MFSD11: variants seen among roughly 807,000 people sequenced by gnomAD.
MFSD11 encodes the protein UNC93-like protein MFSD11.
A neutral mutation model predicts 53.5 loss-of-function variants in MFSD11; 36 were observed. The observed-to-expected ratio is 0.67, with a 90% CI of 0.52 to 0.89. MFSD11 has a LOEUF of 0.89. Ranked by LOEUF, MFSD11 falls within the 40% of genes least tolerant of loss-of-function variation. The pLI is 0.00. For synonymous variants in MFSD11, 186 were observed against 184.9 expected (o/e 1.01, Z -0.05); for missense variants, 530 against 543.9 (o/e 0.97, Z 0.25).
intron 8 of MFSD11, among the ~76,000 whole-genome samples, chr17:76,758,621 T>C (rs1280075435): frequency 1.5e-5 from 2 of 136,784 alleles, no homozygotes; most frequent in Non-Finnish European, 3.2e-5. Flanking sequence ...AGAAAATAAA[T>C]GTAAAACTTC....
At chr17:76,748,917 T>C (rs1296489413) in intron 7 of MFSD11, among the ~76,000 whole-genome samples, 2 of 150,840 alleles carry the variant, frequency 1.3e-5, no homozygotes, top group Non-Finnish European at 3.0e-5. Context: ...CCTTCCTCTC[T>C]CCCTTCTTTT....
At position 76,767,455 on chromosome 17, in the gene MFSD11, A is replaced by G. The variant is rs2080953888; in HGVS notation, c.748+4A>G. 1.3e-6 allele frequency: 2 copies of G among 1,548,720 alleles called. No homozygotes were observed. Among genetic ancestry groups the G allele is most frequent in the Non-Finnish European group, 1.8e-6 (2 of 1,123,504 alleles). On this transcript the variant is annotated splice_donor_region_variant and intron_variant, in intron 9 of 12. Coordinates refer to ENST00000685175, the MANE Select transcript of MFSD11 (RefSeq NM_001242532.5). The stretch of plus-strand genomic sequence containing the variant: ...AGTATTACAACTGCTTATACAGGTA[A>G]TGGAATTACTGTTCTTATTTTCTCT...
At chr17:76,736,634 G>A (rs887566542), upstream of MFSD11, 10 of 1,153,384 alleles carry the variant, frequency 8.7e-6, no homozygotes, top group East Asian at 3.2e-5. Context: ...CTCCCGGGTC[G>A]CAGACGGCGG....
intron 2 of MFSD11, among the ~76,000 whole-genome samples, 154 bp downstream of exon 2, chr17:76,739,147 T>G (rs1568037047): frequency 2.0e-5 from 3 of 152,354 alleles, no homozygotes; most frequent in Non-Finnish European, 2.9e-5. Context: ...AGAATAAAGC[T>G]GATGAGTTTA....
rs913282681 is a variant in MFSD11 at position 76,739,112 on chromosome 17, A to C, written c.152+119A>C. ...AGTGGTGATGGCATTTTCTCTTCTCAGTGCCTAGACTGAGAGAACATAATA... is the reference window on the plus strand; with the variant it reads ...AGTGGTGATGGCATTTTCTCTTCTCCGTGCCTAGACTGAGAGAACATAATA... On this transcript the variant is annotated intron_variant, in intron 2 of 12. Coordinates refer to ENST00000685175, the MANE Select transcript of MFSD11 (RefSeq NM_001242532.5). 4.1e-5 allele frequency: 32 copies of C among 776,978 alleles called. No individual in the cohort carries two copies. In the Admixed American group the frequency reaches 4.5e-4, roughly 11 times the overall value. The allele number at this position is 776,978 out of a possible 1,614,324, so 48.1% of individuals were successfully genotyped here.
At chr17:76,739,498 C>T (rs538262312) in intron 2 of MFSD11, among the ~76,000 whole-genome samples, 41 of 152,316 alleles carry the variant, frequency 2.7e-4, no homozygotes, top group African/African-American at 9.6e-4. Flanking sequence ...TCACAAGTCA[C>T]TAGAACCTTG....
At chr17:76,748,550 G>A (rs1415968406) in intron 7 of MFSD11, among the ~76,000 whole-genome samples, 2 of 151,932 alleles carry the variant, frequency 1.3e-5, no homozygotes, top group African/African-American at 4.8e-5. Context: ...AGCCAGGTGT[G>A]GTGGTGCACG....
chr17:76,767,511 C>T (rs895699992), intron 9 of MFSD11, 60 bp downstream of exon 9: 10 of 1,042,554 alleles, frequency 9.6e-6, no homozygotes, highest in African/African-American at 8.0e-5. Flanking sequence ...GAGTTGAAAA[C>T]GAGCCACGTT....
upstream of MFSD11, chr17:76,738,075 C>T (rs987070338): frequency 1.3e-5 from 6 of 456,706 alleles, no homozygotes; most frequent in East Asian, 6.7e-5. Context: ...TTCGTGGGCC[C>T]CTCAACCTGG....
chr17:76,737,355 C>T (rs1393136233), upstream of MFSD11: 2 of 652,432 alleles, frequency 3.1e-6, no homozygotes, highest in Non-Finnish European at 4.9e-6. Flanking sequence ...GCCTCTGCGC[C>T]CGTTTATATC....
chr17:76,738,888 G>A, intron 1 of MFSD11, 50 bp from the exon 2 acceptor site: 1 of 1,460,376 alleles, frequency 6.8e-7, no homozygotes, highest in Non-Finnish European at 9.6e-7. Flanking sequence ...CCCAAGGGTG[G>A]GAGGGAGACT....
At position 76,756,494 on chromosome 17, in the gene MFSD11, G is replaced by A. The variant is rs560007376; in HGVS notation, c.682+2407G>A. Among the ~76,000 whole-genome samples the A allele has an allele frequency of 3.3e-5, 5 of 152,314 alleles. No individual in the cohort carries two copies. In the South Asian group the frequency reaches 6.2e-4, roughly 19 times the overall value. On this transcript the variant is annotated intron_variant, in intron 8 of 12. Transcript: ENST00000685175. The stretch of plus-strand genomic sequence containing the variant: ...AAAGGATTATACTCTGACTCCCTTA[G>A]CAAGGTAGGAGGTCAATCACTGTCA...
At chr17:76,792,253 G>T in the MFSD11 span, among the ~76,000 whole-genome samples, 2 of 150,524 alleles carry the variant, frequency 1.3e-5, no homozygotes, top group African/African-American at 5.0e-5. Flanking sequence ...TGAGTAGCTG[G>T]GATTACAGGT....
chr17:76,744,994 G>T (rs542406342), intron 7 of MFSD11, among the ~76,000 whole-genome samples: 2 of 152,292 alleles, frequency 1.3e-5, no homozygotes, highest in Admixed American at 6.5e-5. Context: ...GGTCCAAATA[G>T]GGGAATGAGT....
At chr17:76,759,802 A>G (rs2080031374) in intron 8 of MFSD11, among the ~76,000 whole-genome samples, 1 of 103,856 alleles carries the variant, frequency 9.6e-6, no homozygotes, top group Non-Finnish European at 1.8e-5. Context: ...TTTAGTAGAG[A>G]TGGAGTTTCA....
At chr17:76,750,544 G>C (rs1375658963) in intron 7 of MFSD11, among the ~76,000 whole-genome samples, 1 of 151,784 alleles carries the variant, frequency 6.6e-6, no homozygotes, top group African/African-American at 2.4e-5. Flanking sequence ...TTTTAGTAGA[G>C]ACTGAGTTTC....
chr17:76,763,729 C>T (rs80260131), intron 8 of MFSD11, among the ~76,000 whole-genome samples: 2,782 of 151,804 alleles, frequency 0.018, 83 homozygotes, highest in African/African-American at 0.062. Flanking sequence ...TGTTTTCTCC[C>T]GTTCTATAGA....
intron 6 of MFSD11, among the ~76,000 whole-genome samples, chr17:76,744,097 G>A (rs1350520397): frequency 6.6e-6 from 1 of 152,174 alleles, no homozygotes; most frequent in African/African-American, 2.4e-5. Context: ...AAAAGAAGGC[G>A]ATTAAGCCCT....
intron 2 of MFSD11, 127 bp downstream of exon 2, chr17:76,739,120 G>C: frequency 1.4e-6 from 1 of 717,216 alleles, no homozygotes. Flanking sequence ...TCAGTGCCTA[G>C]ACTGAGAGAA....
Sources: allele counts gnomAD v4.1 joint callset (sites outside exome capture counted in the v4.1 genomes callset), GRCh38; gene constraint gnomAD v4.1.1; transcripts MANE v1.5; gene names NCBI Gene and HGNC (gene_info 2026-07-23, HGNC 2026-07-21).